Variants in DRC8 observed in about 807,000 individuals in gnomAD.
DRC8 encodes dynein regulatory complex subunit 8, also known as dynein regulatory complex protein 8.
the DRC8 span, among the ~76,000 whole-genome samples, chr1:244,991,259 G>A: frequency 8.5e-5 from 13 of 152,292 alleles, no homozygotes; most frequent in Admixed American, 5.9e-4. Flanking sequence ...GGTGCGGTGA[G>A]CTCTGCCAGG....
the DRC8 span, among the ~76,000 whole-genome samples, chr1:245,006,944 A>AAACAAC: frequency 1.1e-4 from 17 of 151,360 alleles, no homozygotes; most frequent in East Asian, 1.4e-3. Flanking sequence ...AAAAACAAAC[A>AAACAAC]AACAACAACA....
At chr1:245,036,591 A>T in the DRC8 span, among the ~76,000 whole-genome samples, 1 of 152,232 alleles carries the variant, frequency 6.6e-6, no homozygotes, top group Non-Finnish European at 1.5e-5. Context: ...GAAACAACTC[A>T]TGTCAATCAG....
At chr1:245,093,969 A>G in the DRC8 span, among the ~76,000 whole-genome samples, 1 of 152,200 alleles carries the variant, frequency 6.6e-6, no homozygotes, top group African/African-American at 2.4e-5. Flanking sequence ...GTACTGAAGT[A>G]TAGGTGAGTA....
the DRC8 span, among the ~76,000 whole-genome samples, chr1:245,009,028 CTTTTTTTTTTT>C: frequency 9.3e-5 from 6 of 64,432 alleles, 1 homozygote; most frequent in East Asian, 1.5e-3. Context: ...TTATGCTTTT[CTTTTTTTTTTT>C]TTTTTTTTTT....
chr1:245,034,798 A>T, the DRC8 span, among the ~76,000 whole-genome samples: 2 of 151,986 alleles, frequency 1.3e-5, no homozygotes, highest in Admixed American at 1.3e-4. Context: ...GAAATTAATG[A>T]AGATAAAAAC....
chr1:244,974,378 G>T, the DRC8 span, among the ~76,000 whole-genome samples: 4 of 152,210 alleles, frequency 2.6e-5, no homozygotes, highest in African/African-American at 9.6e-5. Flanking sequence ...TTAGTAAGCT[G>T]CAGATATTAA....
At chr1:245,046,955 AGCC>A in the DRC8 span, among the ~76,000 whole-genome samples, 7 of 152,180 alleles carry the variant, frequency 4.6e-5, no homozygotes, top group African/African-American at 1.7e-4. Context: ...TTCAGCTGGG[AGCC>A]GCTGCTCCGT....
At chr1:244,978,495 A>AG in the DRC8 span, among the ~76,000 whole-genome samples, 4 of 151,182 alleles carry the variant, frequency 2.6e-5, no homozygotes, top group Non-Finnish European at 1.5e-5. Flanking sequence ...CCGTCTCAAA[A>AG]AAAAAAAAAA....
At chr1:245,024,578 C>T in the DRC8 span, among the ~76,000 whole-genome samples, 25 of 145,580 alleles carry the variant, frequency 1.7e-4, no homozygotes, top group East Asian at 3.8e-3. Flanking sequence ...GACAGAGTCT[C>T]GCTCTGTTGC....
At chr1:245,009,988 G>C in the DRC8 span, among the ~76,000 whole-genome samples, 1 of 152,112 alleles carries the variant, frequency 6.6e-6, no homozygotes, top group Non-Finnish European at 1.5e-5. Context: ...AGCTTCCTAA[G>C]TAGCCGGGAC....
the DRC8 span, among the ~76,000 whole-genome samples, chr1:245,097,638 C>T: frequency 6.6e-6 from 1 of 152,090 alleles, no homozygotes; most frequent in South Asian, 2.1e-4. The surrounding 1 kb of genome is among the most constrained non-coding windows in gnomAD (Gnocchi z 5.0). Flanking sequence ...GATAATACAT[C>T]AATAAACATA....
At chr1:245,017,987 G>A in the DRC8 span, among the ~76,000 whole-genome samples, 1 of 152,274 alleles carries the variant, frequency 6.6e-6, no homozygotes, top group Non-Finnish European at 1.5e-5. Context: ...AGTACTTTGG[G>A]AGGTCAAGGT....
chr1:245,066,366 AAG>A, the DRC8 span, among the ~76,000 whole-genome samples: 2 of 152,220 alleles, frequency 1.3e-5, no homozygotes, highest in African/African-American at 2.4e-5. Flanking sequence ...AGTCTTTAGA[AAG>A]AGAGCATTAG....
chr1:245,036,918 C>T, the DRC8 span, among the ~76,000 whole-genome samples: 1 of 152,120 alleles, frequency 6.6e-6, no homozygotes, highest in African/African-American at 2.4e-5. Flanking sequence ...GTGATGGTAG[C>T]TCAACCTTGT....
chr1:245,099,477 G>A, the DRC8 span, among the ~76,000 whole-genome samples: 1 of 152,148 alleles, frequency 6.6e-6, no homozygotes, highest in Non-Finnish European at 1.5e-5. Flanking sequence ...ATGCTGGGAC[G>A]CAGCCCCGCC....
chr1:244,971,274 T>A, the DRC8 span, among the ~76,000 whole-genome samples: 1 of 151,222 alleles, frequency 6.6e-6, no homozygotes, highest in South Asian at 2.1e-4. Context: ...CTGGTTGAGA[T>A]CTTGGAACCG....
the DRC8 span, among the ~76,000 whole-genome samples, chr1:245,098,233 G>A: frequency 6.6e-6 from 1 of 152,188 alleles, no homozygotes; most frequent in African/African-American, 2.4e-5. Context: ...AAGATCGAGA[G>A]TGTGGTTTGA....
At chr1:244,970,103 G>A in the DRC8 span, 1 of 673,044 alleles carries the variant, frequency 1.5e-6, no homozygotes, top group Non-Finnish European at 2.7e-6. Flanking sequence ...GAGGGGTTGG[G>A]GACCGTGTGA....
At chr1:245,112,325 C>T in the DRC8 span, among the ~76,000 whole-genome samples, 6 of 152,224 alleles carry the variant, frequency 3.9e-5, no homozygotes, top group Admixed American at 6.5e-5. Context: ...CTGCCTGCCT[C>T]GGCCTCCCAA....
Sources: allele counts gnomAD v4.1 joint callset (sites outside exome capture counted in the v4.1 genomes callset), GRCh38; gene constraint gnomAD v4.1.1; non-coding constraint Gnocchi (gnomAD v3.1); transcripts MANE v1.5; gene names NCBI Gene and HGNC (gene_info 2026-07-23, HGNC 2026-07-21).